Variants in PTPRD observed in about 807,000 individuals in gnomAD.
PTPRD encodes the protein protein tyrosine phosphatase receptor type D, also known as receptor-type tyrosine-protein phosphatase delta.
PTPRD carries 34 observed loss-of-function variants against 214.5 expected under a neutral mutation model. That is an observed-to-expected ratio of 0.16 (90% CI 0.12 to 0.21). The LOEUF (loss-of-function observed/expected upper bound fraction) is 0.21, where lower values mean the gene tolerates loss of function less well. PTPRD is among the 10% of genes least tolerant of loss of function. The pLI is 1.00. For missense variants in PTPRD, 2,545 were observed against 2,398.7 expected, an observed-to-expected ratio of 1.06 and a Z score of -1.27; for synonymous variants, 1,128 against 845.7, an observed-to-expected ratio of 1.33 and a Z score of -5.79.
At chr9:9,477,604 A>G (rs1442212565) in intron 8 of PTPRD, among the ~76,000 whole-genome samples, 1 of 152,194 alleles carries the variant, frequency 6.6e-6, no homozygotes, top group Non-Finnish European at 1.5e-5. Context: ...AAAGGGTAAG[A>G]CCCAAAACAA....
intron 26 of PTPRD, among the ~76,000 whole-genome samples, chr9:8,494,029 C>CAA (rs2097206531): frequency 1.3e-5 from 2 of 151,396 alleles, no homozygotes; most frequent in South Asian, 4.2e-4. Flanking sequence ...CACACACACA[C>CAA]ACACACACAC....
intron 2 of PTPRD, among the ~76,000 whole-genome samples, chr9:10,587,986 G>C (rs2074365984): frequency 6.6e-6 from 1 of 151,988 alleles, no homozygotes; most frequent in Non-Finnish European, 1.5e-5. Flanking sequence ...ATATATCAGG[G>C]TTATCCTCAC....
chr9:8,463,941 A>G (rs1441957006), intron 32 of PTPRD, among the ~76,000 whole-genome samples: 1 of 152,038 alleles, frequency 6.6e-6, no homozygotes, highest in Non-Finnish European at 1.5e-5. Context: ...TGATATATAA[A>G]GAAAATAAAT....
chr9:10,060,965 TCTTC>T (rs2097768918), intron 3 of PTPRD, among the ~76,000 whole-genome samples: 2 of 146,440 alleles, frequency 1.4e-5, no homozygotes, highest in South Asian at 2.1e-4. Flanking sequence ...TCTCTTCCTT[TCTTC>T]CTTTCTGTCT....
chr9:10,380,564 T>C (rs2154483242), intron 2 of PTPRD, among the ~76,000 whole-genome samples: 1 of 152,154 alleles, frequency 6.6e-6, no homozygotes, highest in South Asian at 2.1e-4. Flanking sequence ...AAACAAAAAG[T>C]GCCATCATGT....
At chr9:9,447,053 T>C (rs1194624838) in intron 8 of PTPRD, among the ~76,000 whole-genome samples, 1 of 152,190 alleles carries the variant, frequency 6.6e-6, no homozygotes, top group Non-Finnish European at 1.5e-5. Context: ...AGGAACGCTA[T>C]ACACTGGTGG....
At position 8,749,598 on chromosome 9, in the gene PTPRD, TTA is replaced by T. The variant is rs2093308542; in HGVS notation, c.-103-15654_-103-15653del. Among the ~76,000 whole-genome samples the T allele has an allele frequency of 2.6e-5, 4 of 152,220 alleles. No individual in the cohort carries two copies. The South Asian group carries it at 8.3e-4, about 32-fold the overall frequency. On this transcript the variant is annotated intron_variant, in intron 11 of 45. Transcript: ENST00000381196. ...TGACAGCTGATGTCAACAAGACATA[TTA>T]TAACACATAGAGAAGACACTGTTGT...
At chr9:9,964,320 A>G (rs2154028746) in intron 4 of PTPRD, among the ~76,000 whole-genome samples, 1 of 152,342 alleles carries the variant, frequency 6.6e-6, no homozygotes, top group Admixed American at 6.5e-5. Flanking sequence ...TCTCTACTTT[A>G]AAATGCATGA....
chr9:9,550,826 GTA>G (rs1190505860), intron 8 of PTPRD, among the ~76,000 whole-genome samples: 3 of 151,776 alleles, frequency 2.0e-5, no homozygotes, highest in African/African-American at 7.3e-5. Context: ...GATATAGAGA[GTA>G]TATAAGTACA....
chr9:9,404,470 T>G (rs1175112971), intron 8 of PTPRD, among the ~76,000 whole-genome samples: 1 of 152,064 alleles, frequency 6.6e-6, no homozygotes, highest in East Asian at 1.9e-4. Flanking sequence ...AAAAAGATAT[T>G]AAGGATTATT....
intron 10 of PTPRD, among the ~76,000 whole-genome samples, chr9:9,075,179 G>T (rs974551565): frequency 1.3e-5 from 2 of 151,796 alleles, no homozygotes; most frequent in Non-Finnish European, 2.9e-5. Flanking sequence ...TACATAGTAG[G>T]TGTATATATT....
intron 34 of PTPRD, among the ~76,000 whole-genome samples, chr9:8,436,987 A>C (rs1009677012): frequency 3.9e-5 from 6 of 152,218 alleles, no homozygotes; most frequent in Non-Finnish European, 7.3e-5. Context: ...GAAAAAACTG[A>C]CAGTCAGGCT....
intron 12 of PTPRD, among the ~76,000 whole-genome samples, chr9:8,714,548 T>G (rs1476150003): frequency 6.6e-6 from 1 of 152,166 alleles, no homozygotes; most frequent in Non-Finnish European, 1.5e-5. Context: ...TACAAGGTTT[T>G]TCTCCTAATC....
rs182603272 is a variant in PTPRD, at chr9:10,576,616, C to T, written c.-600+35782G>A. Among the ~76,000 whole-genome samples, 68 of 152,184 alleles carry T rather than the reference C, an allele frequency of 4.5e-4. 1 individual carries two copies. The East Asian group carries it at 0.01, about 22-fold the overall frequency. The stretch of plus-strand genomic sequence containing the variant: ...TTGACTGATTTTCTTCCCTGCTAAA[C>T]GATTGTCTCATCACTGAAGCTTCAG... On this transcript the variant is annotated intron_variant, in intron 2 of 45. Transcript: ENST00000381196.
At chr9:9,537,556 C>G (rs1240346957) in intron 8 of PTPRD, among the ~76,000 whole-genome samples, 1 of 152,002 alleles carries the variant, frequency 6.6e-6, no homozygotes, top group Non-Finnish European at 1.5e-5. Context: ...ATCTATCACA[C>G]ATCTTAGAAT....
chr9:9,880,973 T>G (rs530629510), intron 5 of PTPRD, among the ~76,000 whole-genome samples: 113 of 152,272 alleles, frequency 7.4e-4, no homozygotes, highest in African/African-American at 2.6e-3. Context: ...AGTACCTATG[T>G]GTAGTCAAAA....
At chr9:9,104,122 G>A (rs2099795169) in intron 10 of PTPRD, among the ~76,000 whole-genome samples, 1 of 152,128 alleles carries the variant, frequency 6.6e-6, no homozygotes, top group Non-Finnish European at 1.5e-5. Flanking sequence ...TTTCTGTATA[G>A]GACTAAATAG....
chr9:10,012,622 A>T (rs1042717666), intron 4 of PTPRD, among the ~76,000 whole-genome samples: 71 of 151,934 alleles, frequency 4.7e-4, no homozygotes, highest in Admixed American at 4.7e-3. Flanking sequence ...TTTACTCACT[A>T]TTTCGTTACC....
At chr9:8,566,224 G>A (rs1421605738) in intron 14 of PTPRD, among the ~76,000 whole-genome samples, 1 of 151,028 alleles carries the variant, frequency 6.6e-6, no homozygotes, top group Non-Finnish European at 1.5e-5. Context: ...TATGAAGAGG[G>A]GTGTATGTAG....
Sources: allele counts gnomAD v4.1 joint callset (sites outside exome capture counted in the v4.1 genomes callset), GRCh38; gene constraint gnomAD v4.1.1; transcripts MANE v1.5; gene names NCBI Gene and HGNC (gene_info 2026-07-23, HGNC 2026-07-21).